SPRED2: variants seen among roughly 807,000 people sequenced by gnomAD.
The protein encoded by SPRED2 is sprouty-related, EVH1 domain-containing protein 2.
A neutral mutation model predicts 43.0 loss-of-function variants in SPRED2; 47 were observed. That is an observed-to-expected ratio of 1.09 (90% CI 0.87 to 1.40). The LOEUF is 1.40. SPRED2 is among the 40% of genes most tolerant of loss of function. SPRED2 has a pLI of 0.00. For missense variants in SPRED2, 561 were observed against 586.4 expected (o/e 0.96, Z 0.45); for synonymous variants, 225 against 225.7 (o/e 1.00, Z 0.03).
intron 1 of SPRED2, among the ~76,000 whole-genome samples, chr2:65,424,410 G>A (rs1558693965): frequency 6.6e-6 from 1 of 152,212 alleles, no homozygotes; most frequent in South Asian, 2.1e-4. Flanking sequence ...ATTGATAACT[G>A]TTTACAGAAA....
intron 1 of SPRED2, among the ~76,000 whole-genome samples, chr2:65,403,575 C>G (rs560044127): frequency 6.6e-6 from 1 of 152,286 alleles, no homozygotes; most frequent in Admixed American, 6.5e-5. Context: ...CTGGGATAGA[C>G]ATTTTTACGA....
chr2:65,313,475 TGGAG>T lies in SPRED2; in HGVS notation c.*22_*25del, dbSNP rs767903514. 1.0e-5 allele frequency: 16 copies of T among 1,573,426 alleles called. 1 individual carries two copies. In the South Asian group the frequency reaches 1.4e-4, roughly 14 times the overall value. ...AGACGAGTTCCCCTGTGGCTGCGGATGGAGGGAGAAGGGAGGGAAACTGAGTCAC... is the reference window on the plus strand; with the variant it reads ...AGACGAGTTCCCCTGTGGCTGCGGATGGAGAAGGGAGGGAAACTGAGTCAC... On this transcript the variant is annotated 3_prime_UTR_variant, in exon 6 of 6. Transcript: ENST00000356388.
intron 3 of SPRED2, chr2:65,334,245 G>A (rs539197162): frequency 2.7e-5 from 13 of 474,238 alleles, no homozygotes; most frequent in South Asian, 1.1e-4. Flanking sequence ...TTCTGGGCCC[G>A]CCAGAATCCA....
chr2:65,422,433 C>T (rs1676451814), intron 1 of SPRED2, among the ~76,000 whole-genome samples: 2 of 152,250 alleles, frequency 1.3e-5, no homozygotes, highest in South Asian at 4.2e-4. Context: ...AATGTAAGTG[C>T]CCCGAGAGCA....
chr2:65,403,043 T>C (rs1028243154), intron 1 of SPRED2, among the ~76,000 whole-genome samples: 1 of 152,184 alleles, frequency 6.6e-6, no homozygotes, highest in Non-Finnish European at 1.5e-5. Flanking sequence ...TTGATTTACA[T>C]CCAAAAGCCA....
chr2:65,335,522 C>T (rs960072227), intron 2 of SPRED2, among the ~76,000 whole-genome samples: 1 of 152,194 alleles, frequency 6.6e-6, no homozygotes, highest in African/African-American at 2.4e-5. Context: ...AGAACAAGAA[C>T]ATGCTCTGAA....
At chr2:65,309,277 G>A (rs1243006832), downstream of SPRED2, among the ~76,000 whole-genome samples, 1 of 151,892 alleles carries the variant, frequency 6.6e-6, no homozygotes, top group Non-Finnish European at 1.5e-5. Flanking sequence ...TGAGGTGGGA[G>A]GATCTCTTGA....
Position 65,396,622 on chromosome 2 carries a change from C to T in SPRED2, c.26+35340G>A, listed in dbSNP as rs1204186590. 1.3e-5 allele frequency among the ~76,000 whole-genome samples: 2 copies of T among 152,188 alleles called. 1 individual carries two copies. The highest frequency in any genetic ancestry group is 4.8e-5 in the African/African-American group (2 of 41,446). On this transcript the variant is annotated intron_variant, in intron 1 of 5. Coordinates refer to ENST00000356388, the MANE Select transcript of SPRED2 (RefSeq NM_181784.3). ...ACTGTAGTATAACTGAGCAACAGGA[C>T]AGAGATGGGTTTGTCCTGGGACATA...
intron 1 of SPRED2, among the ~76,000 whole-genome samples, chr2:65,363,469 G>A (rs748093830): frequency 7.3e-4 from 111 of 152,188 alleles, no homozygotes; most frequent in Non-Finnish European, 1.4e-3. Flanking sequence ...GCTGATCCAC[G>A]CTTGTCTCTG....
rs778887970 is a variant in SPRED2 at position 65,314,000 on chromosome 2, C to T, written c.758G>A (p.Arg253His). 8.7e-6 allele frequency: 14 copies of T among 1,613,740 alleles called. No individual in the cohort carries two copies. Among genetic ancestry groups the T allele is most frequent in the African/African-American group, 4.0e-5 (3 of 74,932 alleles). Residue 253 changes from arginine (R) to histidine (H), a missense_variant, in exon 6 of 6, where the codon CGC becomes CAC. Arg to His is a conservative substitution (Grantham distance 29, BLOSUM62 0). Coordinates refer to ENST00000356388, the MANE Select transcript of SPRED2 (RefSeq NM_181784.3). ...PSEDADSSYV[R>H]FAKGEVPKHD... ...CTTGGGGACCTCGCCCTTGGCGAAG[C>T]GCACGTAGGAGGAGTCCGCGTCCTC...
At chr2:65,335,521 A>G (rs114903115) in intron 2 of SPRED2, among the ~76,000 whole-genome samples, 169 of 152,324 alleles carry the variant, frequency 1.1e-3, no homozygotes, top group African/African-American at 4.0e-3. Flanking sequence ...GAGAACAAGA[A>G]CATGCTCTGA....
intron 4 of SPRED2, among the ~76,000 whole-genome samples, chr2:65,331,772 G>A (rs1411361323): frequency 1.3e-5 from 2 of 152,222 alleles, no homozygotes; most frequent in Non-Finnish European, 2.9e-5. Context: ...ACACTGCTGT[G>A]CTGTGTGGCA....
chr2:65,377,585 G>C (rs1675272210), intron 1 of SPRED2: 1 of 471,234 alleles, frequency 2.1e-6, no homozygotes, highest in Non-Finnish European at 4.4e-6. Context: ...TGAGGTGGTA[G>C]GTGTTACCTC....
intron 1 of SPRED2, among the ~76,000 whole-genome samples, chr2:65,421,595 C>T (rs970309407): frequency 2.0e-5 from 3 of 152,246 alleles, no homozygotes; most frequent in African/African-American, 7.2e-5. Flanking sequence ...AGCCACATTG[C>T]TCTCACAAGC....
At chr2:65,366,633 C>A (rs1674987932) in intron 1 of SPRED2, 2 of 1,552,656 alleles carry the variant, frequency 1.3e-6, no homozygotes, top group Non-Finnish European at 1.7e-6. Context: ...AGCCCGAGTG[C>A]TGGGTATTAG....
chr2:65,315,121 G>C (rs907288617), intron 5 of SPRED2, among the ~76,000 whole-genome samples: 1 of 146,002 alleles, frequency 6.8e-6, no homozygotes, highest in African/African-American at 2.8e-5. Flanking sequence ...TATAACCCTG[G>C]CTCACCCAGG....
chr2:65,387,185 T>C (rs1675521805), intron 1 of SPRED2, among the ~76,000 whole-genome samples: 1 of 152,182 alleles, frequency 6.6e-6, no homozygotes, highest in African/African-American at 2.4e-5. Flanking sequence ...GGGTGCTGGC[T>C]CCCTCTGTTG....
chr2:65,397,174 TAAAG>T (rs1675777080), intron 1 of SPRED2, among the ~76,000 whole-genome samples: 2 of 152,172 alleles, frequency 1.3e-5, no homozygotes, highest in African/African-American at 4.8e-5. Context: ...AAAATTTTGA[TAAAG>T]AAACAGATAC....
At chr2:65,366,654 A>C (rs2104331383) in intron 1 of SPRED2, 1 of 1,544,982 alleles carries the variant, frequency 6.5e-7, no homozygotes, top group Middle Eastern at 1.7e-4. Context: ...CATTATTGCT[A>C]CTATAAAGCT....
Sources: allele counts gnomAD v4.1 joint callset (sites outside exome capture counted in the v4.1 genomes callset), GRCh38; gene constraint gnomAD v4.1.1; transcripts MANE v1.5; gene names NCBI Gene and HGNC (gene_info 2026-07-23, HGNC 2026-07-21).